Variants in GALNT9 observed in about 807,000 individuals in gnomAD.
GALNT9 encodes polypeptide N-acetylgalactosaminyltransferase 9.
Under a neutral mutation model 63.1 loss-of-function variants are expected in GALNT9, and 47 were observed. The observed-to-expected ratio is 0.75, with a 90% CI of 0.59 to 0.95. The LOEUF (loss-of-function observed/expected upper bound fraction) is 0.95, where lower values mean the gene tolerates loss of function less well. Ranked by LOEUF, GALNT9 falls within the 40% of genes least tolerant of loss-of-function variation. GALNT9 has a pLI of 0.00. For missense variants in GALNT9, 829 were observed against 874.8 expected (o/e 0.95, Z 0.66); for synonymous variants, 396 against 365.7 (o/e 1.08, Z -0.94).
chr12:132,255,377 A>C (rs1336471699), intron 5 of GALNT9, among the ~76,000 whole-genome samples: 1 of 152,166 alleles, frequency 6.6e-6, no homozygotes, highest in Non-Finnish European at 1.5e-5. Context: ...CTTGTGGGGG[A>C]ACTCAACATT....
chr12:132,227,430 G>A (rs1877737032), intron 6 of GALNT9, among the ~76,000 whole-genome samples: 1 of 152,194 alleles, frequency 6.6e-6, no homozygotes. Flanking sequence ...AACACCTCAG[G>A]CCGCGTTACA....
intron 2 of GALNT9, among the ~76,000 whole-genome samples, chr12:132,263,166 G>A (rs570390260): frequency 6.6e-6 from 1 of 152,340 alleles, no homozygotes; most frequent in South Asian, 2.1e-4. Flanking sequence ...CACCCGCACA[G>A]GCAGCCACTT....
intron 4 of GALNT9, among the ~76,000 whole-genome samples, chr12:132,259,301 C>T (rs73469892): frequency 0.029 from 4,429 of 152,308 alleles, 126 homozygotes; most frequent in South Asian, 0.089. Context: ...CAGACGCCCT[C>T]AGGCCTCGGG....
chr12:132,258,794 C>A (rs1194228937), intron 4 of GALNT9, among the ~76,000 whole-genome samples: 1 of 152,214 alleles, frequency 6.6e-6, no homozygotes, highest in African/African-American at 2.4e-5. Context: ...GCAGCCCTCG[C>A]CCTTGGAGAC....
chr12:132,219,532 C>T (rs1030114585), intron 6 of GALNT9, among the ~76,000 whole-genome samples: 1 of 152,128 alleles, frequency 6.6e-6, no homozygotes, highest in Non-Finnish European at 1.5e-5. Context: ...CGGCCAGGAT[C>T]CTGGCATGAA....
At position 132,197,815 on chromosome 12, in the gene GALNT9, G is replaced by A. The variant is rs1271014606; in HGVS notation, c.1642C>T (p.Gln548Ter). The A allele has an allele frequency of 5.0e-6, 8 of 1,593,440 alleles. No homozygotes were observed. Among genetic ancestry groups the A allele is most frequent in the Non-Finnish European group, 5.1e-6 (6 of 1,170,922 alleles). The change falls in exon 10 of 11, where the codon CAG becomes TAG. Residue 548 changes from glutamine (Q) to a stop codon, truncating the protein, a stop_gained. Coordinates refer to ENST00000328957, the MANE Select transcript of GALNT9 (RefSeq NM_001122636.2). LOFTEE classifies it high-confidence loss of function. ...ACCTGGGTGAAGTCCCACAGCCGCT[G>A]TGTTGGCCGCGCCACATCCTCACAC... ...KKCEDVARPT[Q>*]RLWDFTQSGP...
At position 132,310,662 on chromosome 12, in the gene GALNT9, T is replaced by C. The variant is rs1881780266; in HGVS notation, c.238+18304A>G. Among the ~76,000 whole-genome samples, 1 of 152,126 alleles carries C rather than the reference T, an allele frequency of 6.6e-6. No individual in the cohort carries two copies. The highest frequency in any genetic ancestry group is 2.4e-5 in the African/African-American group (1 of 41,402). ...CTTCTCTTTGAGTCACTGATTTCCA[T>C]CTGTTACAGTGACTGAAGCCAATAT... On this transcript the variant is annotated intron_variant, in intron 1 of 10. Coordinates refer to ENST00000328957, the MANE Select transcript of GALNT9 (RefSeq NM_001122636.2). This position sits in a 1 kb window ranked among gnomAD's most constrained non-coding sequence, Gnocchi z 4.8.
At chr12:132,254,518 CGA>C (rs1220267183) in intron 5 of GALNT9, among the ~76,000 whole-genome samples, 1 of 151,998 alleles carries the variant, frequency 6.6e-6, no homozygotes. Context: ...ATCCTCTATG[CGA>C]GAGGAGTGAT....
At chr12:132,268,644 C>T (rs1879746882) in intron 2 of GALNT9, among the ~76,000 whole-genome samples, 1 of 152,214 alleles carries the variant, frequency 6.6e-6, no homozygotes, top group Non-Finnish European at 1.5e-5. Flanking sequence ...TTTCAAAGCA[C>T]GCATCTGATA....
At chr12:132,301,158 G>A (rs1253517610) in intron 1 of GALNT9, among the ~76,000 whole-genome samples, 2 of 152,256 alleles carry the variant, frequency 1.3e-5, no homozygotes, top group Non-Finnish European at 2.9e-5. Context: ...GCCACACTCC[G>A]TCACAGTGCT....
chr12:132,237,912 T>C (rs2136895702), intron 6 of GALNT9, among the ~76,000 whole-genome samples: 41,178 of 152,064 alleles, frequency 0.27, 6,284 homozygotes, highest in African/African-American at 0.41. Flanking sequence ...GGGACCCCCG[T>C]GCCAGGCCTG....
chr12:132,202,772 G>A (rs1431723616), intron 7 of GALNT9, among the ~76,000 whole-genome samples: 3 of 152,154 alleles, frequency 2.0e-5, no homozygotes, highest in Non-Finnish European at 1.5e-5. Flanking sequence ...GGGGTGTGGC[G>A]GGATGGGTCG....
intron 1 of GALNT9, among the ~76,000 whole-genome samples, chr12:132,301,365 G>A (rs79539964): frequency 0.014 from 2,192 of 152,332 alleles, 38 homozygotes; most frequent in African/African-American, 0.049. Flanking sequence ...CTTCCACTCC[G>A]CGCCCTGTTT....
In GALNT9 at chr12:132,210,801, G is replaced by A. The variant is rs915123657; in HGVS notation, c.1078-7111C>T. ...CGCCATCTGGAGGTCGCCGTCTGGC[G>A]GTTGCCATCTGGGTGGTCGCCGTCT... On this transcript the variant is annotated intron_variant, in intron 6 of 10. Coordinates refer to ENST00000328957, the MANE Select transcript of GALNT9 (RefSeq NM_001122636.2). 2.6e-5 allele frequency among the ~76,000 whole-genome samples: 4 copies of A among 151,714 alleles called. No homozygotes were observed. The East Asian group carries it at 7.7e-4, about 29-fold the overall frequency.
chr12:132,204,629 G>A (rs764835251), intron 6 of GALNT9, among the ~76,000 whole-genome samples: 5 of 152,090 alleles, frequency 3.3e-5, no homozygotes, highest in African/African-American at 7.2e-5. Context: ...CCCCGTAACC[G>A]GGTGAGTCAA....
chr12:132,268,101 GCACTCACACACACAAACCCACACACA>G (rs1369269700), intron 2 of GALNT9, among the ~76,000 whole-genome samples: 1 of 138,930 alleles, frequency 7.2e-6, no homozygotes, highest in East Asian at 2.1e-4. Context: ...ACCCACACGC[GCACTCACACACACAAACCCACACACA>G]CACTCACGCT....
rs560581133 is a variant in GALNT9, at chr12:132,294,858, C to T, written c.239-8428G>A. On this transcript the variant is annotated intron_variant, in intron 1 of 10. Transcript: ENST00000328957. ...GTGCGGAAGGTTGCCGTGGGCGCCT[C>T]GCAGCAGGATTTCTGGAGCTCTCAT... 8.5e-5 allele frequency among the ~76,000 whole-genome samples: 13 copies of T among 152,342 alleles called. No individual in the cohort carries two copies. The South Asian group carries it at 2.3e-3, about 27-fold the overall frequency.
At chr12:132,240,376 G>A (rs1452403978) in intron 6 of GALNT9, 8 of 352,092 alleles carry the variant, frequency 2.3e-5, no homozygotes, top group South Asian at 8.5e-5. Flanking sequence ...CCCCATGCTG[G>A]CCAGGTGGCT....
intron 7 of GALNT9, 33 bp downstream of exon 7, chr12:132,203,472 A>G: frequency 6.2e-7 from 1 of 1,608,750 alleles, no homozygotes; most frequent in Non-Finnish European, 8.5e-7. Flanking sequence ...ACCCTGGGGC[A>G]TGGCCCCGGC....
Sources: allele counts gnomAD v4.1 joint callset (sites outside exome capture counted in the v4.1 genomes callset), GRCh38; gene constraint gnomAD v4.1.1; non-coding constraint Gnocchi (gnomAD v3.1); transcripts MANE v1.5; gene names NCBI Gene and HGNC (gene_info 2026-07-23, HGNC 2026-07-21).